The following CDC42SE2 variants were observed in gnomAD, a reference collection of about 807,000 sequenced individuals.
CDC42SE2 encodes the protein CDC42 small effector protein 2.
Under a neutral mutation model 11.5 loss-of-function variants are expected in CDC42SE2, and 3 were observed. The ratio of observed to expected loss-of-function variants is 0.26; its 90% CI spans 0.12 to 0.67. The LOEUF (loss-of-function observed/expected upper bound fraction) is 0.67. Ranked by LOEUF, CDC42SE2 falls within the 30% of genes least tolerant of loss-of-function variation. The pLI, the probability that CDC42SE2 is intolerant of heterozygous loss-of-function variation, is 0.80. For synonymous variants in CDC42SE2, 33 were observed against 34.8 expected, an observed-to-expected ratio of 0.95 and a Z score of 0.18; for missense variants, 82 against 106.8, an observed-to-expected ratio of 0.77 and a Z score of 1.02.
chr5:131,245,047 A>G (rs1183479300), upstream of CDC42SE2, among the ~76,000 whole-genome samples: 4 of 152,312 alleles, frequency 2.6e-5, no homozygotes, highest in Middle Eastern at 0.01. Context: ...GAGCAAATCC[A>G]CAAACCAACC....
chr5:131,368,576 G>A (rs1191966445), intron 3 of CDC42SE2, among the ~76,000 whole-genome samples: 3 of 152,138 alleles, frequency 2.0e-5, no homozygotes, highest in African/African-American at 7.2e-5. Context: ...GACCTGTATT[G>A]AATATAATTC....
chr5:131,332,654 A>C (rs920512870), intron 2 of CDC42SE2, among the ~76,000 whole-genome samples: 3 of 151,992 alleles, frequency 2.0e-5, no homozygotes, highest in African/African-American at 7.3e-5. Flanking sequence ...TTTAATGATC[A>C]CCATTCTAAC....
At chr5:131,377,200 GTC>G (rs533188858) in intron 3 of CDC42SE2, among the ~76,000 whole-genome samples, 1 of 146,616 alleles carries the variant, frequency 6.8e-6, no homozygotes, top group Non-Finnish European at 1.5e-5. Context: ...TTGAGACAGA[GTC>G]TCTCTCTGTT....
chr5:131,297,341 C>T (rs946331499), intron 1 of CDC42SE2, among the ~76,000 whole-genome samples: 1 of 151,932 alleles, frequency 6.6e-6, no homozygotes, highest in Non-Finnish European at 1.5e-5. Flanking sequence ...CGTTAAGAAA[C>T]CTTTAACTCT....
chr5:131,248,348 C>A (rs1756613086), intron 1 of CDC42SE2, among the ~76,000 whole-genome samples: 1 of 152,068 alleles, frequency 6.6e-6, no homozygotes, highest in African/African-American at 2.4e-5. Context: ...CCGTGTTGGT[C>A]AGGCTGGTCT....
intron 1 of CDC42SE2, among the ~76,000 whole-genome samples, chr5:131,291,380 G>T (rs1757454530): frequency 6.6e-6 from 1 of 152,078 alleles, no homozygotes; most frequent in Non-Finnish European, 1.5e-5. Flanking sequence ...TGGGGCTTTG[G>T]CATTAATATT....
intron 1 of CDC42SE2, among the ~76,000 whole-genome samples, chr5:131,310,831 G>A (rs889566639): frequency 7.9e-5 from 12 of 151,980 alleles, no homozygotes; most frequent in Non-Finnish European, 1.5e-4. Context: ...TTGAGCGTAT[G>A]TGTGTCTCTG....
the CDC42SE2 span, among the ~76,000 whole-genome samples, chr5:131,220,242 T>C: frequency 6.6e-6 from 1 of 152,202 alleles, no homozygotes; most frequent in Non-Finnish European, 1.5e-5. Context: ...ATGGAGGCTC[T>C]GTCCCCCAGG....
intron 1 of CDC42SE2, among the ~76,000 whole-genome samples, chr5:131,269,546 A>AC (rs1258230206): frequency 1.3e-5 from 2 of 152,016 alleles, no homozygotes; most frequent in Non-Finnish European, 2.9e-5. Context: ...AGGTGGGTGG[A>AC]TCACCTAAGG....
Position 131,329,879 on chromosome 5 carries a change from C to CAAAAAAAAAAAAAAAAAAAAAAA in CDC42SE2, c.-286+13756_-286+13778dup, listed in dbSNP as rs747152132. Among the ~76,000 whole-genome samples the CAAAAAAAAAAAAAAAAAAAAAAA allele has an allele frequency of 2.8e-4, 16 of 56,622 alleles. 2 individuals are homozygous for CAAAAAAAAAAAAAAAAAAAAAAA. The highest frequency in any genetic ancestry group is 6.3e-4 in the Non-Finnish European group (16 of 25,236). The allele number at this position is 56,622 out of a possible 152,430, so 37.1% of individuals were successfully genotyped here. A position where few individuals can be genotyped will look rare whatever the true frequency, so the allele number is the denominator to read the frequency against. ...GGGCAACAAGAGTGAAACTCCATCT[C>CAAAAAAAAAAAAAAAAAAAAAAA]AAAAAAAAAAAAAAAAAAAAAAAAA... On this transcript the variant is annotated intron_variant, in intron 2 of 4. Transcript: ENST00000505065.
upstream of CDC42SE2, among the ~76,000 whole-genome samples, chr5:131,245,112 A>G (rs978907100): frequency 2.0e-5 from 3 of 152,218 alleles, no homozygotes; most frequent in African/African-American, 7.2e-5. Flanking sequence ...TGAAAACAGG[A>G]AAGAAAAGAC....
At chr5:131,224,810 C>A in the CDC42SE2 span, among the ~76,000 whole-genome samples, 19 of 151,762 alleles carry the variant, frequency 1.3e-4, no homozygotes, top group Middle Eastern at 3.4e-3. Context: ...AAAAGGGTGA[C>A]CGCAGCAGAT....
At chr5:131,368,932 A>G (rs1749937624) in intron 3 of CDC42SE2, among the ~76,000 whole-genome samples, 2 of 152,242 alleles carry the variant, frequency 1.3e-5, no homozygotes, top group Admixed American at 6.5e-5. Context: ...AATGTACAGT[A>G]TAAAAGTTAT....
intron 2 of CDC42SE2, among the ~76,000 whole-genome samples, chr5:131,317,981 C>G (rs1207012779): frequency 2.6e-5 from 4 of 151,678 alleles, no homozygotes; most frequent in Non-Finnish European, 1.5e-5. Context: ...GATCTTGGCT[C>G]TTTGCCTAGG....
intron 3 of CDC42SE2, among the ~76,000 whole-genome samples, chr5:131,363,846 C>T (rs1749781481): frequency 6.6e-6 from 1 of 151,852 alleles, no homozygotes; most frequent in African/African-American, 2.4e-5. Context: ...CAGGCATGTG[C>T]CACCACACCC....
chr5:131,383,439 T>A (rs1269910095), intron 3 of CDC42SE2, among the ~76,000 whole-genome samples: 1 of 152,158 alleles, frequency 6.6e-6, no homozygotes, highest in Non-Finnish European at 1.5e-5. Context: ...AAAACTAAAG[T>A]TGTTCAAATA....
At chr5:131,329,757 T>C (rs1293066608) in intron 2 of CDC42SE2, among the ~76,000 whole-genome samples, 2 of 151,214 alleles carry the variant, frequency 1.3e-5, no homozygotes, top group African/African-American at 4.9e-5. Flanking sequence ...TGGGCCCCTG[T>C]AATCCCAGCT....
At chr5:131,222,736 A>G in the CDC42SE2 span, among the ~76,000 whole-genome samples, 2 of 152,188 alleles carry the variant, frequency 1.3e-5, no homozygotes, top group African/African-American at 4.8e-5. Context: ...TTTAACAGTG[A>G]GATATGCATT....
At chr5:131,259,782 C>T (rs1756708119), upstream of CDC42SE2, among the ~76,000 whole-genome samples, 1 of 152,242 alleles carries the variant, frequency 6.6e-6, no homozygotes, top group Non-Finnish European at 1.5e-5. Context: ...ATGTAGTTAT[C>T]TATTAAATGT....
Sources: allele counts gnomAD v4.1 joint callset (sites outside exome capture counted in the v4.1 genomes callset), GRCh38; gene constraint gnomAD v4.1.1; transcripts MANE v1.5; gene names NCBI Gene and HGNC (gene_info 2026-07-23, HGNC 2026-07-21).